Variants in IGFBP2 observed in about 807,000 individuals in gnomAD.
The protein encoded by IGFBP2 is insulin-like growth factor-binding protein 2.
In IGFBP2, 12 loss-of-function variants were observed where a neutral mutation model predicts 26.2. That is an observed-to-expected ratio of 0.46 (90% CI 0.29 to 0.74). The LOEUF is 0.74. Among genes scored for constraint, IGFBP2 ranks in the 30% least tolerant of loss-of-function variants. The pLI, the probability that IGFBP2 is intolerant of heterozygous loss-of-function variation, is 0.09. For missense variants in IGFBP2, 328 were observed against 441.2 expected (o/e 0.74, Z 2.30); for synonymous variants, 189 against 200.6 (o/e 0.94, Z 0.49).
chr2:216,636,778 A>G (rs1010880024), intron 1 of IGFBP2, among the ~76,000 whole-genome samples: 1 of 152,174 alleles, frequency 6.6e-6, no homozygotes, highest in Non-Finnish European at 1.5e-5. Flanking sequence ...GTATCTCCCC[A>G]GCCTCCTTCC....
intron 1 of IGFBP2, among the ~76,000 whole-genome samples, chr2:216,644,720 GT>G (rs992765803): frequency 2.0e-5 from 3 of 152,052 alleles, no homozygotes; most frequent in Non-Finnish European, 1.5e-5. Flanking sequence ...AGCTCATTTT[GT>G]TTTTTTTGTT....
rs1445039265 is a variant in IGFBP2 at position 216,664,126 on chromosome 2, G to GCGCCCCTGCCCCC, written c.*30_*42dup. ...GTAGACCGCAGCCAGCCGGTGCCTGGCGCCCCTGCCCCCCGCCCCTCTCCA... is the reference window on the plus strand; with the variant it reads ...GTAGACCGCAGCCAGCCGGTGCCTGGCGCCCCTGCCCCCCGCCCCTGCCCCCCGCCCCTCTCCA... On this transcript the variant is annotated 3_prime_UTR_variant, in exon 4 of 4. Coordinates refer to ENST00000233809, the MANE Select transcript of IGFBP2 (RefSeq NM_000597.3). This position sits in a 1 kb window ranked among gnomAD's most constrained non-coding sequence, Gnocchi z 4.6. The GCGCCCCTGCCCCC allele has an allele frequency of 1.9e-6, 3 of 1,551,154 alleles. No homozygotes were observed. The highest frequency in any genetic ancestry group is 1.7e-6 in the Non-Finnish European group (2 of 1,145,130).
chr2:216,659,797 TC>T, intron 1 of IGFBP2: 1 of 1,455,720 alleles, frequency 6.9e-7, no homozygotes, highest in Non-Finnish European at 9.3e-7. Context: ...TTCTTGGGGC[TC>T]TCAGTATAAT....
chr2:216,651,585 T>C (rs2106199400), intron 1 of IGFBP2, among the ~76,000 whole-genome samples: 1 of 152,342 alleles, frequency 6.6e-6, no homozygotes, highest in East Asian at 1.9e-4. Flanking sequence ...GTATAAAATT[T>C]GTACAATCAA....
intron 2 of IGFBP2, 89 bp from the exon 3 acceptor site, chr2:216,661,769 C>T (rs1042254779): frequency 4.1e-6 from 6 of 1,473,904 alleles, no homozygotes; most frequent in Non-Finnish European, 9.4e-7. Flanking sequence ...CCTCCCTGTG[C>T]AGCAGCTTCT....
At chr2:216,658,537 T>C (rs981702083) in intron 1 of IGFBP2, among the ~76,000 whole-genome samples, 1 of 137,940 alleles carries the variant, frequency 7.2e-6, no homozygotes, top group Non-Finnish European at 1.5e-5. Flanking sequence ...TTTATTTATT[T>C]ATTTATTTAT....
chr2:216,663,039 A>T (rs541551355), intron 3 of IGFBP2: 1 of 152,302 alleles, frequency 6.6e-6, no homozygotes, highest in South Asian at 2.1e-4. Context: ...GGCTGACCTA[A>T]AGTGTGGATG....
chr2:216,648,404 G>A (rs1427452891), intron 1 of IGFBP2, among the ~76,000 whole-genome samples: 2 of 152,156 alleles, frequency 1.3e-5, no homozygotes, highest in African/African-American at 4.8e-5. Flanking sequence ...TAGAGAACAG[G>A]CCAGGAGCCC....
At position 216,651,847 on chromosome 2, in the gene IGFBP2, C is replaced by T. The variant is rs9341166; in HGVS notation, c.443-8710C>T. ...TTGGCTCACTGCAAGAAGTGAACTC[C>T]GCCTGCTGGGTTCAAGCGATTCTTG... On this transcript the variant is annotated intron_variant, in intron 1 of 3. Coordinates refer to ENST00000233809, the MANE Select transcript of IGFBP2 (RefSeq NM_000597.3). 2.2e-4 allele frequency among the ~76,000 whole-genome samples: 34 copies of T among 152,290 alleles called. No individual in the cohort carries two copies. In the East Asian group the frequency reaches 5.2e-3, roughly 23 times the overall value.
rs374053294 is a variant in IGFBP2, at chr2:216,655,235, A to G, written c.443-5322A>G. 6.7e-4 allele frequency among the ~76,000 whole-genome samples: 102 copies of G among 152,176 alleles called. 1 individual carries two copies. Among genetic ancestry groups the G allele is most frequent in the African/African-American group, 1.6e-3 (66 of 41,530 alleles). ...CTATTTTTTTATTTTTAGCAGAGAC[A>G]AGGTGATATAGTTAGGCTTTGTGTC... On this transcript the variant is annotated intron_variant, in intron 1 of 3. Coordinates refer to ENST00000233809, the MANE Select transcript of IGFBP2 (RefSeq NM_000597.3).
intron 1 of IGFBP2, among the ~76,000 whole-genome samples, chr2:216,656,829 CA>C (rs1697931496): frequency 6.6e-6 from 1 of 152,222 alleles, no homozygotes; most frequent in Admixed American, 6.5e-5. Context: ...TTCATGTCCA[CA>C]GATTGGAGAG....
chr2:216,653,128 C>T (rs182757449), intron 1 of IGFBP2, among the ~76,000 whole-genome samples: 6 of 152,212 alleles, frequency 3.9e-5, no homozygotes, highest in Non-Finnish European at 7.4e-5. Flanking sequence ...GGATAAGGAC[C>T]GGGGCCACAC....
At chr2:216,651,927 A>C (rs1181720916) in intron 1 of IGFBP2, among the ~76,000 whole-genome samples, 1 of 152,032 alleles carries the variant, frequency 6.6e-6, no homozygotes, top group Non-Finnish European at 1.5e-5. Context: ...ATGCCCAGCT[A>C]ATTTTTGTAT....
intron 1 of IGFBP2, 73 bp downstream of exon 1, chr2:216,634,038 T>A: frequency 6.7e-7 from 1 of 1,493,104 alleles, no homozygotes; most frequent in Non-Finnish European, 8.9e-7. Context: ...CGGCTGGACC[T>A]TACGGACGGT....
intron 1 of IGFBP2, among the ~76,000 whole-genome samples, chr2:216,644,720 G>T (rs565602005): frequency 1.0e-3 from 155 of 152,052 alleles, no homozygotes; most frequent in Non-Finnish European, 1.9e-3. Flanking sequence ...AGCTCATTTT[G>T]TTTTTTTTGT....
At chr2:216,638,025 T>C (rs1193581475) in intron 1 of IGFBP2, among the ~76,000 whole-genome samples, 1 of 152,100 alleles carries the variant, frequency 6.6e-6, no homozygotes, top group Non-Finnish European at 1.5e-5. Flanking sequence ...TCTTCTCTGC[T>C]ACAAATACAA....
chr2:216,658,027 G>C (rs993133024), intron 1 of IGFBP2, among the ~76,000 whole-genome samples: 21 of 152,118 alleles, frequency 1.4e-4, no homozygotes, highest in African/African-American at 4.3e-4. Context: ...CGTAATTCTT[G>C]TTTTGGGCTG....
chr2:216,655,616 C>T (rs1440361113), intron 1 of IGFBP2, among the ~76,000 whole-genome samples: 2 of 152,150 alleles, frequency 1.3e-5, no homozygotes. Context: ...TGGACTAATA[C>T]AGTCAGGCGT....
chr2:216,649,056 C>T (rs986765715), intron 1 of IGFBP2, among the ~76,000 whole-genome samples: 28 of 152,168 alleles, frequency 1.8e-4, no homozygotes, highest in African/African-American at 5.8e-4. Context: ...TCTTTCTTAG[C>T]TAAGCAGACT....
Sources: allele counts gnomAD v4.1 joint callset (sites outside exome capture counted in the v4.1 genomes callset), GRCh38; gene constraint gnomAD v4.1.1; non-coding constraint Gnocchi (gnomAD v3.1); transcripts MANE v1.5; gene names NCBI Gene and HGNC (gene_info 2026-07-23, HGNC 2026-07-21).